AGBL4: variants seen among roughly 807,000 people sequenced by gnomAD.
AGBL4 encodes AGBL carboxypeptidase 4.
A neutral mutation model predicts 66.4 loss-of-function variants in AGBL4; 58 were observed. The observed-to-expected ratio is 0.87, with a 90% CI of 0.71 to 1.09. The LOEUF (loss-of-function observed/expected upper bound fraction) is 1.09. Ranked by LOEUF, AGBL4 falls within the 50% of genes least tolerant of loss-of-function variation. The pLI is 0.00. For missense variants in AGBL4, 579 were observed against 631.0 expected (o/e 0.92, Z 0.88); for synonymous variants, 234 against 222.9 (o/e 1.05, Z -0.44).
the AGBL4 span, among the ~76,000 whole-genome samples, chr1:48,523,493 C>T: frequency 2.4e-3 from 371 of 152,310 alleles, 1 homozygote; most frequent in Non-Finnish European, 3.4e-3. Flanking sequence ...GAAATGACAG[C>T]AGCTGAATTA....
chr1:48,652,726 T>A (rs755156856), intron 8 of AGBL4, among the ~76,000 whole-genome samples: 5 of 152,116 alleles, frequency 3.3e-5, no homozygotes, highest in Non-Finnish European at 7.4e-5. Flanking sequence ...TGGCAGATAA[T>A]CTTCTGGGCA....
intron 6 of AGBL4, among the ~76,000 whole-genome samples, chr1:48,666,197 T>C (rs1214044180): frequency 1.3e-5 from 2 of 152,158 alleles, no homozygotes; most frequent in Non-Finnish European, 2.9e-5. Context: ...CAATTTAAGG[T>C]AATGCAGCAG....
chr1:49,004,837 A>G (rs1661655410), intron 5 of AGBL4, among the ~76,000 whole-genome samples: 1 of 152,244 alleles, frequency 6.6e-6, no homozygotes, highest in Non-Finnish European at 1.5e-5. Flanking sequence ...CAAGGCCCAC[A>G]ATATGTATAT....
intron 4 of AGBL4, among the ~76,000 whole-genome samples, chr1:49,239,029 G>C (rs1023924682): frequency 1.3e-5 from 2 of 152,120 alleles, no homozygotes; most frequent in African/African-American, 4.8e-5. Flanking sequence ...AGGGAAGTAT[G>C]TCTACTCCAT....
intron 3 of AGBL4, among the ~76,000 whole-genome samples, chr1:49,355,255 C>T (rs1643995850): frequency 1.3e-5 from 2 of 152,224 alleles, no homozygotes; most frequent in African/African-American, 4.8e-5. Context: ...AAATTCACCT[C>T]ATAATCTCCA....
chr1:48,625,323 G>T (rs1465600474), intron 9 of AGBL4, among the ~76,000 whole-genome samples: 2 of 151,824 alleles, frequency 1.3e-5, no homozygotes, highest in Non-Finnish European at 2.9e-5. Context: ...GCATTTCCAG[G>T]TTTTAATAAG....
intron 3 of AGBL4, among the ~76,000 whole-genome samples, chr1:49,585,429 G>C (rs1644628971): frequency 6.6e-6 from 1 of 152,172 alleles, no homozygotes; most frequent in African/African-American, 2.4e-5. Flanking sequence ...AAATGCAGAA[G>C]ATAGCATCTA....
intron 4 of AGBL4, among the ~76,000 whole-genome samples, chr1:49,194,591 CTTGT>C (rs2148215139): frequency 6.6e-6 from 1 of 151,870 alleles, no homozygotes; most frequent in Admixed American, 6.6e-5. Context: ...GATTCTGTTT[CTTGT>C]TTGTTTTTTT....
intron 3 of AGBL4, among the ~76,000 whole-genome samples, chr1:49,403,947 T>C (rs1333871084): frequency 2.0e-5 from 3 of 152,178 alleles, no homozygotes; most frequent in African/African-American, 7.2e-5. Context: ...CCCTCTTCTA[T>C]CTGAGTCACT....
At chr1:49,691,984 CCCCATATATAA>C (rs1315955550) in intron 3 of AGBL4, among the ~76,000 whole-genome samples, 1 of 152,020 alleles carries the variant, frequency 6.6e-6, no homozygotes, top group Non-Finnish European at 1.5e-5. Flanking sequence ...TTAATAAACT[CCCCATATATAA>C]TCATCAGATC....
chr1:48,899,814 C>A (rs1302401754), intron 5 of AGBL4, among the ~76,000 whole-genome samples: 1 of 152,206 alleles, frequency 6.6e-6, no homozygotes, highest in Non-Finnish European at 1.5e-5. Flanking sequence ...AAAACAGACA[C>A]AGATTCTGCC....
chr1:49,642,406 G>A (rs775369521), intron 3 of AGBL4, among the ~76,000 whole-genome samples: 21 of 151,970 alleles, frequency 1.4e-4, no homozygotes, highest in Non-Finnish European at 2.8e-4. Flanking sequence ...AAGAAACCCA[G>A]GAAGATCCTT....
intron 3 of AGBL4, among the ~76,000 whole-genome samples, chr1:49,486,925 A>G (rs1346705832): frequency 6.6e-6 from 1 of 152,016 alleles, no homozygotes; most frequent in Non-Finnish European, 1.5e-5. Flanking sequence ...CTATAATTCA[A>G]GCTATGACAT....
intron 2 of AGBL4, among the ~76,000 whole-genome samples, chr1:49,832,914 T>C (rs1645734377): frequency 6.6e-6 from 1 of 152,134 alleles, no homozygotes; most frequent in Non-Finnish European, 1.5e-5. Flanking sequence ...GATGAGTAGG[T>C]TGTGAAAATT....
intron 6 of AGBL4, among the ~76,000 whole-genome samples, chr1:48,832,892 A>C (rs571542882): frequency 2.0e-5 from 3 of 152,276 alleles, no homozygotes; most frequent in African/African-American, 7.2e-5. Flanking sequence ...CCTGGTTCTC[A>C]GACCTTTGGA....
At chr1:49,183,114 C>G (rs1393710438) in intron 4 of AGBL4, among the ~76,000 whole-genome samples, 1 of 152,104 alleles carries the variant, frequency 6.6e-6, no homozygotes, top group East Asian at 1.9e-4. Context: ...TCTTCTGTCC[C>G]AAGAAGTCTC....
chr1:49,314,514 G>A (rs1191196931), intron 3 of AGBL4, among the ~76,000 whole-genome samples: 1 of 151,992 alleles, frequency 6.6e-6, no homozygotes, highest in Non-Finnish European at 1.5e-5. Context: ...AGTTTGCTGA[G>A]AATGATGGTT....
At chr1:49,559,649 G>T (rs766903348) in intron 3 of AGBL4, among the ~76,000 whole-genome samples, 5 of 152,082 alleles carry the variant, frequency 3.3e-5, no homozygotes, top group Admixed American at 2.6e-4. Flanking sequence ...TACTGTTCTG[G>T]ATGCTTCCTG....
intron 3 of AGBL4, among the ~76,000 whole-genome samples, chr1:49,440,213 G>C (rs1004585268): frequency 6.6e-6 from 1 of 151,908 alleles, no homozygotes; most frequent in Non-Finnish European, 1.5e-5. Context: ...GGGATTATAG[G>C]CGCCCGCCAC....
Sources: allele counts gnomAD v4.1 joint callset (sites outside exome capture counted in the v4.1 genomes callset), GRCh38; gene constraint gnomAD v4.1.1; transcripts MANE v1.5; gene names NCBI Gene and HGNC (gene_info 2026-07-23, HGNC 2026-07-21).